MRTFB: variants seen among roughly 807,000 people sequenced by gnomAD.
MRTFB encodes myocardin-related transcription factor B.
In MRTFB, 29 loss-of-function variants were observed where a neutral mutation model predicts 104.2. The ratio of observed to expected loss-of-function variants is 0.28; its 90% CI spans 0.21 to 0.38. The LOEUF is 0.38. MRTFB is among the 10% of genes least tolerant of loss of function. The probability of loss-of-function intolerance (pLI) is 1.00; values close to 1 mark genes in which losing one functional copy is unlikely to be tolerated. For missense variants in MRTFB, 1,270 were observed against 1,341.6 expected, an observed-to-expected ratio of 0.95 and a Z score of 0.83; for synonymous variants, 535 against 519.5, an observed-to-expected ratio of 1.03 and a Z score of -0.41.
chr16:14,103,399 G>A (rs1008679657), intron 2 of MRTFB, among the ~76,000 whole-genome samples: 3 of 152,160 alleles, frequency 2.0e-5, no homozygotes, highest in African/African-American at 7.2e-5. Context: ...CATATTTGGA[G>A]GGGGGATATG....
At chr16:14,257,994 C>G (rs1006734182) in intron 15 of MRTFB, 107 bp from the exon 16 acceptor site, 25 of 948,250 alleles carry the variant, frequency 2.6e-5, no homozygotes, top group Admixed American at 1.1e-4. Context: ...AAAATTATCA[C>G]GATAGATTAG....
the MRTFB span, among the ~76,000 whole-genome samples, chr16:14,058,414 TTAGTCCAATTCTTCCTCATGAGCC>T: frequency 6.7e-5 from 10 of 149,508 alleles, no homozygotes; most frequent in South Asian, 2.2e-4. Context: ...CAGCTGGAAT[TTAGTCCAATTCTTCCTCATGAGCC>T]GGGCAATGTA....
At chr16:14,247,556 G>A in intron 12 of MRTFB, 49 bp downstream of exon 12, 1 of 1,483,588 alleles carries the variant, frequency 6.7e-7, no homozygotes, top group Non-Finnish European at 9.0e-7. Context: ...TGCATGGAAT[G>A]CAAACCCTGC....
intron 3 of MRTFB, among the ~76,000 whole-genome samples, chr16:14,164,174 C>T (rs9922796): frequency 0.23 from 35,641 of 152,082 alleles, 7,905 homozygotes; most frequent in African/African-American, 0.57. Context: ...TGTATGTTTA[C>T]ACCATTAACC....
the MRTFB span, among the ~76,000 whole-genome samples, chr16:14,044,008 CCTTATGAGA>C: frequency 6.6e-6 from 1 of 152,292 alleles, no homozygotes; most frequent in East Asian, 1.9e-4. Flanking sequence ...TGAACTGTCA[CCTTATGAGA>C]CTTATGAGAC....
intron 2 of MRTFB, among the ~76,000 whole-genome samples, chr16:14,109,824 G>A (rs2036179080): frequency 1.3e-5 from 2 of 152,174 alleles, no homozygotes; most frequent in Non-Finnish European, 2.9e-5. Flanking sequence ...AAATTATAGA[G>A]TACTTCTTGT....
chr16:14,034,156 T>C, the MRTFB span, among the ~76,000 whole-genome samples: 1 of 152,218 alleles, frequency 6.6e-6, no homozygotes, highest in Non-Finnish European at 1.5e-5. Flanking sequence ...TGTAACAAGG[T>C]ACCACCAACT....
chr16:14,137,386 G>GA (rs1365660502), intron 2 of MRTFB, among the ~76,000 whole-genome samples: 1 of 152,016 alleles, frequency 6.6e-6, no homozygotes, highest in Non-Finnish European at 1.5e-5. Flanking sequence ...ATAATAGGTT[G>GA]AAAAAATTCT....
chr16:14,061,978 G>A, the MRTFB span, among the ~76,000 whole-genome samples: 1 of 152,182 alleles, frequency 6.6e-6, no homozygotes, highest in Non-Finnish European at 1.5e-5. Flanking sequence ...AACTGGAGTT[G>A]GTCTGACCAC....
At chr16:14,072,757 TAAAG>T (rs1439366354) in intron 1 of MRTFB, among the ~76,000 whole-genome samples, 7 of 152,228 alleles carry the variant, frequency 4.6e-5, no homozygotes, top group South Asian at 4.1e-4. Flanking sequence ...TCTTGCGAAT[TAAAG>T]AGAGAAACAA....
chr16:14,231,127 C>G (rs2042243106), intron 8 of MRTFB, among the ~76,000 whole-genome samples: 1 of 134,804 alleles, frequency 7.4e-6, no homozygotes, highest in South Asian at 2.4e-4. Context: ...ACTCTGGGGA[C>G]TGTTGTGGGG....
intron 9 of MRTFB, among the ~76,000 whole-genome samples, chr16:14,238,168 G>A (rs985394525): frequency 1.3e-5 from 2 of 152,110 alleles, no homozygotes; most frequent in Non-Finnish European, 2.9e-5. Flanking sequence ...GTTGCTAGGG[G>A]TATCTAATGT....
chr16:14,131,617 A>C (rs2037444031), intron 2 of MRTFB, among the ~76,000 whole-genome samples: 1 of 152,176 alleles, frequency 6.6e-6, no homozygotes, highest in South Asian at 2.1e-4. Flanking sequence ...CTCAACAATG[A>C]AAACACAAGT....
At chr16:14,230,833 C>T (rs1597322442) in intron 8 of MRTFB, among the ~76,000 whole-genome samples, 2 of 151,576 alleles carry the variant, frequency 1.3e-5, no homozygotes, top group Admixed American at 6.6e-5. Context: ...CACATGCACA[C>T]GTATGTTTAT....
the MRTFB span, among the ~76,000 whole-genome samples, chr16:14,001,093 C>T: frequency 6.6e-6 from 1 of 152,224 alleles, no homozygotes; most frequent in South Asian, 2.1e-4. Flanking sequence ...GCAGTACCTG[C>T]CCTTTGAGTT....
At chr16:14,190,697 C>T (rs990651008) in intron 3 of MRTFB, among the ~76,000 whole-genome samples, 7 of 152,224 alleles carry the variant, frequency 4.6e-5, no homozygotes, top group African/African-American at 1.4e-4. Flanking sequence ...AACCCTCAAT[C>T]GCAGTGTTTT....
At chr16:14,200,832 G>T in intron 3 of MRTFB, 1 of 1,468,510 alleles carries the variant, frequency 6.8e-7, no homozygotes, top group Non-Finnish European at 9.5e-7. Flanking sequence ...TGGTTATCGT[G>T]GGTGTGGTGC....
chr16:14,138,174 A>G (rs1184956629), intron 2 of MRTFB, among the ~76,000 whole-genome samples: 1 of 152,170 alleles, frequency 6.6e-6, no homozygotes, highest in Non-Finnish European at 1.5e-5. Context: ...TATAGTTGTC[A>G]TGTATATTAC....
chr16:14,096,051 AATTT>A (rs3974321), intron 2 of MRTFB, among the ~76,000 whole-genome samples: 103,785 of 144,160 alleles, frequency 0.72, 39,493 homozygotes, highest in Non-Finnish European at 0.85. Context: ...GGCAAGCTGA[AATTT>A]ATTTATTTAT....
Sources: gnomAD v4.1 joint callset for allele counts (sites outside exome capture counted in the v4.1 genomes callset) on GRCh38, gnomAD v4.1.1 for gene constraint, MANE v1.5 for transcripts, NCBI Gene and HGNC (gene_info 2026-07-23, HGNC 2026-07-21) for gene names.